Variants in PLA2G15 observed in about 807,000 individuals in gnomAD.
PLA2G15 encodes phospholipase A2 group XV.
PLA2G15 carries 20 observed loss-of-function variants against 40.9 expected under a neutral mutation model. The observed-to-expected ratio is 0.49, with a 90% CI of 0.34 to 0.71. The LOEUF (loss-of-function observed/expected upper bound fraction) is 0.71. Among genes scored for constraint, PLA2G15 ranks in the 30% least tolerant of loss-of-function variants. The pLI is 0.01. For missense variants in PLA2G15, 471 were observed against 541.9 expected, an observed-to-expected ratio of 0.87 and a Z score of 1.30; for synonymous variants, 223 against 228.2, an observed-to-expected ratio of 0.98 and a Z score of 0.21.
intron 1 of PLA2G15, 145 bp downstream of exon 1, chr16:68,245,698 C>A: frequency 1.0e-6 from 1 of 972,288 alleles, no homozygotes; most frequent in Non-Finnish European, 1.5e-6. Context: ...CTAGATCTGC[C>A]GGCTCACCTC....
At position 68,254,710 on chromosome 16, in the gene PLA2G15, A is replaced by G. The variant is rs556085088; in HGVS notation, c.285-209A>G. The G allele has an allele frequency of 3.2e-5, 16 of 494,696 alleles. No individual in the cohort carries two copies. The South Asian group carries it at 3.9e-4, about 12-fold the overall frequency. The allele number at this position is 494,696 out of a possible 1,614,324, so 30.6% of individuals were successfully genotyped here. A position where few individuals can be genotyped will look rare whatever the true frequency, so the allele number is the denominator to read the frequency against. ...GGCTGGTTTCAAACTCCTGACCTCA[A>G]GTGATCCTCCCACCTCAGCCTCCCT... On this transcript the variant is annotated intron_variant, in intron 2 of 5. Transcript: ENST00000219345.
intron 2 of PLA2G15, among the ~76,000 whole-genome samples, chr16:68,249,728 A>T (rs1318232543): frequency 6.6e-6 from 1 of 151,252 alleles, no homozygotes; most frequent in African/African-American, 2.4e-5. Context: ...TTGCTGTGTC[A>T]CTCAGGCTGG....
In PLA2G15 at chr16:68,259,158, G is replaced by A. The variant is rs749431362; in HGVS notation, c.740G>A (p.Arg247Gln). 27 of 1,612,392 alleles carry A rather than the reference G, an allele frequency of 1.7e-5. No individual in the cohort carries two copies. Among genetic ancestry groups the A allele is most frequent in the Admixed American group, 1.7e-4 (10 of 59,918 alleles). Residue 247 changes from arginine to glutamine, a missense_variant, in exon 6 of 6, where the codon CGG (arginine) becomes CAG (glutamine). By Grantham distance (43) the Arg-to-Gln change is conservative (BLOSUM62 1). Coordinates refer to ENST00000219345, the MANE Select transcript of PLA2G15 (RefSeq NM_012320.4). This position sits in a 1 kb window ranked among gnomAD's most constrained non-coding sequence, Gnocchi z 6.5. ...CTTCTCCCTGCAGGAGACAACAACCGGATCCCAGTCATCGGGCCCCTGAAG... is the reference window on the plus strand; with the variant it reads ...CTTCTCCCTGCAGGAGACAACAACCAGATCCCAGTCATCGGGCCCCTGAAG... Reference protein sequence around the residue: ...LRVLASGDNNRIPVIGPLKIR... With the variant: ...LRVLASGDNNQIPVIGPLKIR...
intron 2 of PLA2G15, among the ~76,000 whole-genome samples, chr16:68,251,845 G>A (rs1248271676): frequency 6.8e-6 from 1 of 148,126 alleles, no homozygotes; most frequent in Non-Finnish European, 1.5e-5. Context: ...GGGTGACAGA[G>A]CGAGACTGTC....
Position 68,259,728 on chromosome 16 carries a change from C to T in PLA2G15, c.*71C>T, listed in dbSNP as rs1038338914. 5.2e-5 allele frequency: 76 copies of T among 1,471,834 alleles called. No individual in the cohort carries two copies. Among genetic ancestry groups the T allele is most frequent in the African/African-American group, 1.7e-4 (12 of 71,554 alleles). 91.2% of individuals were successfully genotyped at this position (1,471,834 alleles called of 1,614,324 possible). On this transcript the variant is annotated 3_prime_UTR_variant, in exon 6 of 6. Coordinates refer to ENST00000219345, the MANE Select transcript of PLA2G15 (RefSeq NM_012320.4). This position sits in a 1 kb window ranked among gnomAD's most constrained non-coding sequence, Gnocchi z 6.5. The stretch of plus-strand genomic sequence containing the variant: ...TGGCCTCTGGGGCTGTCATGGCCCA[C>T]GCGTTTTGCAAAGTTTGTGACTCAC...
At position 68,259,243 on chromosome 16, in the gene PLA2G15, A is replaced by T. The variant is rs1444321307; in HGVS notation, c.825A>T (p.Thr275=). The T allele has an allele frequency of 1.2e-6, 2 of 1,613,710 alleles. No homozygotes were observed. Among genetic ancestry groups the T allele is most frequent in the Admixed American group, 1.7e-5 (1 of 60,008 alleles). Residue 275 remains threonine (T), a synonymous_variant, in exon 6 of 6, where the codon ACA becomes ACT. Transcript: ENST00000219345. This position sits in a 1 kb window ranked among gnomAD's most constrained non-coding sequence, Gnocchi z 6.5. ...GCTGGCTGCTGCCCTACAACTACAC[A>T]TGGTCACCTGAGAAGGTGTTCGTGC... ...STSWLLPYNY[T]WSPEKVFVQT...
chr16:68,254,705 C>T, intron 2 of PLA2G15: 1 of 479,482 alleles, frequency 2.1e-6, no homozygotes, highest in African/African-American at 2.0e-5. Flanking sequence ...AAACTCCTGA[C>T]CTCAAGTGAT....
chr16:68,245,463 C>G lies in PLA2G15; in HGVS notation c.37C>G (p.Leu13Val), dbSNP rs2042300363. The G allele has an allele frequency of 6.2e-7, 1 of 1,606,236 alleles. No individual in the cohort carries two copies. Among genetic ancestry groups the G allele is most frequent in the Non-Finnish European group, 8.5e-7 (1 of 1,179,680 alleles). ...LHLRPYRVGL[L>V]PDGLLFLLLL... ...CCTCCGCCCCTACCGTGTGGGGCTGCTCCCGGATGGCCTCCTGTTCCTCTT... is the reference window on the plus strand; with the variant it reads ...CCTCCGCCCCTACCGTGTGGGGCTGGTCCCGGATGGCCTCCTGTTCCTCTT... The change falls in exon 1 of 6, where the codon CTC becomes GTC. Residue 13 changes from leucine (L) to valine (V), a missense_variant. Coordinates refer to ENST00000219345, the MANE Select transcript of PLA2G15 (RefSeq NM_012320.4).
At chr16:68,249,699 T>C (rs1490443279) in intron 2 of PLA2G15, among the ~76,000 whole-genome samples, 1 of 152,194 alleles carries the variant, frequency 6.6e-6, no homozygotes, top group Non-Finnish European at 1.5e-5. Flanking sequence ...TTTTTTTTCT[T>C]TTATTTTGGG....
Position 68,245,460 on chromosome 16 carries a change from C to G in PLA2G15, c.34C>G (p.Leu12Val). 6.2e-7 allele frequency: 1 copy of G among 1,606,286 alleles called. No individual in the cohort carries two copies. The highest frequency in any genetic ancestry group is 1.1e-5 in the South Asian group (1 of 91,046). Residue 12 changes from leucine (L) to valine (V), a missense_variant, in exon 1 of 6, where the codon CTG becomes GTG. Leu to Val is a conservative substitution (Grantham distance 32). Transcript: ENST00000219345. Reference protein sequence around the residue: ...GLHLRPYRVGLLPDGLLFLLL... With the variant: ...GLHLRPYRVGVLPDGLLFLLL... ...CCACCTCCGCCCCTACCGTGTGGGG[C>G]TGCTCCCGGATGGCCTCCTGTTCCT...
chr16:68,254,759 T>G, intron 2 of PLA2G15, 160 bp from the exon 3 acceptor site: 1 of 641,600 alleles, frequency 1.6e-6, no homozygotes, highest in Non-Finnish European at 2.8e-6. Flanking sequence ...ACAGGTGATC[T>G]GTGCTTTATC....
rs1567571790 is a variant in PLA2G15 at position 68,249,273 on chromosome 16, T to C, written c.128-17T>C. 3 of 1,613,246 alleles carry C rather than the reference T, an allele frequency of 1.9e-6. No individual in the cohort carries two copies. The South Asian group carries it at 3.3e-5, about 18-fold the overall frequency. On this transcript the variant is annotated splice_polypyrimidine_tract_variant and intron_variant, in intron 1 of 5. Coordinates refer to ENST00000219345, the MANE Select transcript of PLA2G15 (RefSeq NM_012320.4). ...CTGCCGGGCTGAGGGCTCACACATG[T>C]CCTGTGCCCCCTGCAGTCCCTGGTG...
In PLA2G15 at chr16:68,259,351, G is replaced by A. The variant is rs2042425561; in HGVS notation, c.933G>A (p.Arg311=). Residue 311 remains arginine, a synonymous_variant, in exon 6 of 6, where the codon CGG becomes CGA. Coordinates refer to ENST00000219345, the MANE Select transcript of PLA2G15 (RefSeq NM_012320.4). The surrounding 1 kb of genome is among the most constrained non-coding windows in gnomAD (Gnocchi z 6.5). ...DIGFEDGWLM[R]QDTEGLVEAT... ...GCTTTGAAGATGGCTGGCTCATGCG[G>A]CAGGACACAGAAGGGCTGGTGGAAG... 11 of 1,614,054 alleles carry A rather than the reference G, an allele frequency of 6.8e-6. No homozygotes were observed. Among genetic ancestry groups the A allele is most frequent in the Non-Finnish European group, 9.3e-6 (11 of 1,180,040 alleles).
Position 68,259,051 on chromosome 16 carries a change from C to G in PLA2G15, c.728-95C>G. On this transcript the variant is annotated intron_variant, in intron 5 of 5. Coordinates refer to ENST00000219345, the MANE Select transcript of PLA2G15 (RefSeq NM_012320.4). The surrounding 1 kb of genome is among the most constrained non-coding windows in gnomAD (Gnocchi z 6.5). ...AGAGATGCGGGACTGTGGACTGGGC[C>G]CCTGGCTGGGGTCTGGCAGGGGCCT... The G allele has an allele frequency of 2.0e-6, 2 of 990,816 alleles. No homozygotes were observed. Among genetic ancestry groups the G allele is most frequent in the Non-Finnish European group, 3.0e-6 (2 of 659,792 alleles). The allele number at this position is 990,816 out of a possible 1,614,324, so 61.4% of individuals were successfully genotyped here.
chr16:68,255,856 G>A lies in PLA2G15; in HGVS notation c.593G>A (p.Ser198Asn). 6.2e-7 allele frequency: 1 copy of A among 1,613,426 alleles called. No individual in the cohort carries two copies. The highest frequency in any genetic ancestry group is 2.2e-5 in the East Asian group (1 of 44,882). The part of the protein sequence containing the change: ...YGGPVVLVAH[S>N]MGNMYTLYFL... ...GGCCCCGTGGTGCTGGTTGCCCACA[G>A]TATGGGCAACATGTACACGCTCTAC... Residue 198 changes from serine (S) to asparagine (N), a missense_variant, in exon 5 of 6, where the codon AGT becomes AAT. By Grantham distance (46) the Ser-to-Asn change is conservative (BLOSUM62 1). Coordinates refer to ENST00000219345, the MANE Select transcript of PLA2G15 (RefSeq NM_012320.4). The surrounding 1 kb of genome is among the most constrained non-coding windows in gnomAD (Gnocchi z 5.9).
At chr16:68,253,378 G>T in intron 2 of PLA2G15, 1 of 430,280 alleles carries the variant, frequency 2.3e-6, no homozygotes. Context: ...GTTTTTGTTT[G>T]TTTGTTTGTT....
Position 68,259,529 on chromosome 16 carries a change from T to A in PLA2G15, c.1111T>A (p.Cys371Ser). 6.2e-7 allele frequency: 1 copy of A among 1,613,334 alleles called. No homozygotes were observed. Among genetic ancestry groups the A allele is most frequent in the Non-Finnish European group, 8.5e-7 (1 of 1,180,020 alleles). ...TGTGAACTTGAAGAGTGCCCTGCAG[T>A]GCCAGGCCTGGCAGAGCCGCCAGGA... ...GTVNLKSALQ[C>S]QAWQSRQEHQ... is the part of the protein sequence containing the mutation. Residue 371 changes from cysteine (C) to serine (S), a missense_variant, in exon 6 of 6, where the codon TGC becomes AGC. Cys to Ser is a moderately radical substitution (Grantham distance 112, BLOSUM62 -1). Coordinates refer to ENST00000219345, the MANE Select transcript of PLA2G15 (RefSeq NM_012320.4). The surrounding 1 kb of genome is among the most constrained non-coding windows in gnomAD (Gnocchi z 6.5).
At position 68,259,770 on chromosome 16, in the gene PLA2G15, T is replaced by C; in HGVS notation, c.*113T>C. ...GTGACTCACCATTCAAGGCCCCGAG[T>C]CTTGGACTGTGAAGCATCTGCCATG... On this transcript the variant is annotated 3_prime_UTR_variant, in exon 6 of 6. Coordinates refer to ENST00000219345, the MANE Select transcript of PLA2G15 (RefSeq NM_012320.4). The surrounding 1 kb of genome is among the most constrained non-coding windows in gnomAD (Gnocchi z 6.5). 1 of 934,232 alleles carries C rather than the reference T, an allele frequency of 1.1e-6. No individual in the cohort carries two copies. Among genetic ancestry groups the C allele is most frequent in the Non-Finnish European group, 1.6e-6 (1 of 624,908 alleles). 57.9% of individuals were successfully genotyped at this position (934,232 alleles called of 1,614,324 possible).
chr16:68,259,478 A>C lies in PLA2G15; in HGVS notation c.1060A>C (p.Ile354Leu), dbSNP rs778795028. 1.9e-6 allele frequency: 3 copies of C among 1,613,262 alleles called. No individual in the cohort carries two copies. Among genetic ancestry groups the C allele is most frequent in the Admixed American group, 1.7e-5 (1 of 60,010 alleles). The change falls in exon 6 of 6, where the codon ATC becomes CTC. Residue 354 changes from isoleucine (I) to leucine (L), a missense_variant. By Grantham distance (5) the Ile-to-Leu change is conservative. Coordinates refer to ENST00000219345, the MANE Select transcript of PLA2G15 (RefSeq NM_012320.4). The surrounding 1 kb of genome is among the most constrained non-coding windows in gnomAD (Gnocchi z 6.5). ...YESFPDRDPKICFGDGDGTVN... is the reference protein window; with the variant it reads ...YESFPDRDPKLCFGDGDGTVN... ...GAGCTTCCCTGACCGTGACCCTAAA[A>C]TCTGCTTTGGTGACGGCGATGGTAC... is the stretch of plus-strand genomic sequence containing the variant.
Sources: gnomAD v4.1 joint callset for allele counts (sites outside exome capture counted in the v4.1 genomes callset) on GRCh38, gnomAD v4.1.1 for gene constraint, Gnocchi (gnomAD v3.1) non-coding constraint, MANE v1.5 for transcripts, NCBI Gene and HGNC (gene_info 2026-07-23, HGNC 2026-07-21) for gene names.